CCDC85C: variants seen among roughly 807,000 people sequenced by gnomAD.
CCDC85C encodes coiled-coil domain containing 85C.
CCDC85C carries 18 observed loss-of-function variants against 38.3 expected under a neutral mutation model. The ratio of observed to expected loss-of-function variants is 0.47; its 90% CI spans 0.33 to 0.70. The LOEUF is 0.70. Among genes scored for constraint, CCDC85C ranks in the 30% least tolerant of loss-of-function variants. The pLI, the probability that CCDC85C is intolerant of heterozygous loss-of-function variation, is 0.03. For missense variants in CCDC85C, 566 were observed against 621.2 expected (o/e 0.91, Z 0.94); for synonymous variants, 264 against 293.8 (o/e 0.90, Z 1.04).
chr14:99,570,636 A>G (rs1222549515), intron 1 of CCDC85C, among the ~76,000 whole-genome samples: 1 of 152,176 alleles, frequency 6.6e-6, no homozygotes, highest in Non-Finnish European at 1.5e-5. Flanking sequence ...CATAAAATGC[A>G]TTCCAGGACC....
At chr14:99,541,951 C>T (rs1566767449) in intron 1 of CCDC85C, among the ~76,000 whole-genome samples, 1 of 152,224 alleles carries the variant, frequency 6.6e-6, no homozygotes, top group Non-Finnish European at 1.5e-5. Context: ...GCCCCTCCCC[C>T]TGAGCAAGGC....
rs1031572980 is a variant in CCDC85C, at chr14:99,588,716, A to C, written c.793+14451T>G. ...GCACTTGGAAGGTGGTCCTGAAGTA[A>C]GAAACCAGGCCACTGCAGGTCTTCA... On this transcript the variant is annotated intron_variant, in intron 1 of 5. Coordinates refer to ENST00000380243, the MANE Select transcript of CCDC85C (RefSeq NM_001144995.2). The surrounding 1 kb of genome is among the most constrained non-coding windows in gnomAD (Gnocchi z 5.0). Among the ~76,000 whole-genome samples the C allele has an allele frequency of 6.6e-6, 1 of 151,916 alleles. No homozygotes were observed. The highest frequency in any genetic ancestry group is 6.6e-5 in the Admixed American group (1 of 15,252).
At position 99,502,953 on chromosome 14, in the gene CCDC85C, C is replaced by T; in HGVS notation, c.*12293G>A. The T allele has an allele frequency of 6.2e-7, 1 of 1,613,942 alleles. No individual in the cohort carries two copies. ...CAGCCCAAGAAACCCTCTCCGCAGC[C>T]CAGTTCTCCCCGACAGGTTAAGCGA... On this transcript the variant is annotated 3_prime_UTR_variant, in exon 6 of 6. Transcript: ENST00000380243.
At chr14:99,547,885 TACAC>T (rs746584304) in intron 1 of CCDC85C, among the ~76,000 whole-genome samples, 1 of 151,526 alleles carries the variant, frequency 6.6e-6, no homozygotes, top group African/African-American at 2.4e-5. Context: ...TATACATATA[TACAC>T]ACACACACAC....
intron 1 of CCDC85C, among the ~76,000 whole-genome samples, chr14:99,602,833 ATT>A (rs2055216410): frequency 6.6e-6 from 1 of 152,192 alleles, no homozygotes; most frequent in Admixed American, 6.5e-5. Flanking sequence ...CTAGGCAAGG[ATT>A]TCCAAGGCTG....
Position 99,503,663 on chromosome 14 carries a change from G to GT in CCDC85C, c.*11582dup. The GT allele has an allele frequency of 2.6e-6, 4 of 1,547,732 alleles. No homozygotes were observed. Among genetic ancestry groups the GT allele is most frequent in the Non-Finnish European group, 3.5e-6 (4 of 1,143,830 alleles). ...GCAGCAGGTAATTTCCTGTTCTGAT[G>GT]TTTTTTTAGTTTTATGTGTTTATAT... On this transcript the variant is annotated 3_prime_UTR_variant, in exon 6 of 6. Coordinates refer to ENST00000380243, the MANE Select transcript of CCDC85C (RefSeq NM_001144995.2).
intron 1 of CCDC85C, among the ~76,000 whole-genome samples, chr14:99,543,133 G>A (rs1897745122): frequency 6.6e-6 from 1 of 152,208 alleles, no homozygotes; most frequent in African/African-American, 2.4e-5. Context: ...TAGGGGGAGA[G>A]AAAGCAGCGG....
chr14:99,512,589 G>C lies in CCDC85C; in HGVS notation c.*2657C>G, dbSNP rs1371104142. On this transcript the variant is annotated 3_prime_UTR_variant, in exon 6 of 6. Coordinates refer to ENST00000380243, the MANE Select transcript of CCDC85C (RefSeq NM_001144995.2). ...GCTCAGCATGTTCTGAGGCCAGGAT[G>C]GGCTTGGCCACCTGGGCTGGGGCGA... The C allele has an allele frequency of 6.6e-6, 1 of 152,210 alleles. No homozygotes were observed. Among genetic ancestry groups the C allele is most frequent in the South Asian group, 2.1e-4 (1 of 4,828 alleles). 9.4% of individuals were successfully genotyped at this position (152,210 alleles called of 1,614,324 possible).
intron 1 of CCDC85C, among the ~76,000 whole-genome samples, chr14:99,586,683 T>C (rs750403220): frequency 1.3e-5 from 2 of 152,194 alleles, no homozygotes; most frequent in Non-Finnish European, 2.9e-5. Context: ...TATTTCCAGA[T>C]GCCAACTCAT....
Position 99,603,985 on chromosome 14 carries a change from C to A in CCDC85C, c.-26G>T. On this transcript the variant is annotated 5_prime_UTR_variant, in exon 1 of 6. Coordinates refer to ENST00000380243, the MANE Select transcript of CCDC85C (RefSeq NM_001144995.2). This position sits in a 1 kb window ranked among gnomAD's most constrained non-coding sequence, Gnocchi z 7.5. ...GGCGGGGCCGTCACCGCGGCATCGC[C>A]CTCGCCCTCGCCCGGCCGGCGCTTC... 1 of 1,229,446 alleles carries A rather than the reference C, an allele frequency of 8.1e-7. No homozygotes were observed. 76.2% of individuals were successfully genotyped at this position (1,229,446 alleles called of 1,614,324 possible).
chr14:99,541,767 C>T (rs980180360), intron 1 of CCDC85C, among the ~76,000 whole-genome samples: 6 of 152,150 alleles, frequency 3.9e-5, no homozygotes, highest in African/African-American at 9.7e-5. Flanking sequence ...CAGGGCTGGG[C>T]ATCAACAGTG....
chr14:99,573,869 C>A (rs991159039), intron 1 of CCDC85C, among the ~76,000 whole-genome samples: 1 of 152,192 alleles, frequency 6.6e-6, no homozygotes, highest in African/African-American at 2.4e-5. Context: ...TCTGGGCCGC[C>A]GAGCACTCCA....
In CCDC85C at chr14:99,535,210, C is replaced by T. The variant is rs146648913; in HGVS notation, c.867+805G>A. ...TCCCTGCGGTTGGTTCCCAGAGAGA[C>T]GCCTTGGGTATCCCAGGCTGACCGC... On this transcript the variant is annotated intron_variant, in intron 2 of 5. Coordinates refer to ENST00000380243, the MANE Select transcript of CCDC85C (RefSeq NM_001144995.2). The surrounding 1 kb of genome is among the most constrained non-coding windows in gnomAD (Gnocchi z 5.5). Among the ~76,000 whole-genome samples the T allele has an allele frequency of 4.6e-5, 7 of 152,312 alleles. No homozygotes were observed. The East Asian group carries it at 7.7e-4, about 17-fold the overall frequency.
intron 1 of CCDC85C, among the ~76,000 whole-genome samples, chr14:99,582,241 T>C (rs1186279505): frequency 6.6e-6 from 1 of 152,084 alleles, no homozygotes; most frequent in Non-Finnish European, 1.5e-5. Flanking sequence ...CAGACACAGC[T>C]GCACTTCTGA....
At position 99,569,731 on chromosome 14, in the gene CCDC85C, C is replaced by T. The variant is rs965562886; in HGVS notation, c.793+33436G>A. 1.3e-5 allele frequency among the ~76,000 whole-genome samples: 2 copies of T among 152,196 alleles called. No individual in the cohort carries two copies. Among genetic ancestry groups the T allele is most frequent in the African/African-American group, 4.8e-5 (2 of 41,458 alleles). On this transcript the variant is annotated intron_variant, in intron 1 of 5. Coordinates refer to ENST00000380243, the MANE Select transcript of CCDC85C (RefSeq NM_001144995.2). This position sits in a 1 kb window ranked among gnomAD's most constrained non-coding sequence, Gnocchi z 4.3. Reference sequence around the variant, plus strand: ...CTCTGCTTCCCCCCAACATGTCACACACCCCACATTTCAGGTGCAATGCTC... The same window carrying T: ...CTCTGCTTCCCCCCAACATGTCACATACCCCACATTTCAGGTGCAATGCTC...
rs531790127 is a variant in CCDC85C, at chr14:99,558,626, A to T, written c.794-22538T>A. On this transcript the variant is annotated intron_variant, in intron 1 of 5. Coordinates refer to ENST00000380243, the MANE Select transcript of CCDC85C (RefSeq NM_001144995.2). The surrounding 1 kb of genome is among the most constrained non-coding windows in gnomAD (Gnocchi z 4.2). ...TAGAGCGAGACTCTGTCTCAAAAAA[A>T]TTAAATAAAAATAAAAACAATTAAT... Among the ~76,000 whole-genome samples, 5 of 152,366 alleles carry T rather than the reference A, an allele frequency of 3.3e-5. No individual in the cohort carries two copies. The highest frequency in any genetic ancestry group is 3.3e-4 in the Admixed American group (5 of 15,308).
intron 1 of CCDC85C, among the ~76,000 whole-genome samples, chr14:99,564,805 G>A (rs7159751): frequency 0.15 from 22,117 of 152,290 alleles, 1,991 homozygotes; most frequent in Non-Finnish European, 0.21. Context: ...CCTTACAGAA[G>A]GCTAGGAACC....
rs1321725095 is a variant in CCDC85C, at chr14:99,558,076, A to T, written c.794-21988T>A. On this transcript the variant is annotated intron_variant, in intron 1 of 5. Coordinates refer to ENST00000380243, the MANE Select transcript of CCDC85C (RefSeq NM_001144995.2). This position sits in a 1 kb window ranked among gnomAD's most constrained non-coding sequence, Gnocchi z 4.2. Reference sequence around the variant, plus strand: ...TCAACCAGGTCTACTTCAGTGGTCTATTTAAGTCGATTCTGGAAAAACCTG... The same window carrying T: ...TCAACCAGGTCTACTTCAGTGGTCTTTTTAAGTCGATTCTGGAAAAACCTG... 6.6e-6 allele frequency among the ~76,000 whole-genome samples: 1 copy of T among 152,210 alleles called. No homozygotes were observed. Among genetic ancestry groups the T allele is most frequent in the African/African-American group, 2.4e-5 (1 of 41,456 alleles).
At chr14:99,522,367 C>G (rs1897314964) in intron 2 of CCDC85C, 127 bp from the exon 3 acceptor site, 2 of 622,252 alleles carry the variant, frequency 3.2e-6, no homozygotes, top group South Asian at 2.0e-5. Context: ...CCTCCACCCT[C>G]CCCTCCACAC....
Sources: gnomAD v4.1 joint callset for allele counts (sites outside exome capture counted in the v4.1 genomes callset) on GRCh38, gnomAD v4.1.1 for gene constraint, Gnocchi (gnomAD v3.1) non-coding constraint, MANE v1.5 for transcripts, NCBI Gene and HGNC (gene_info 2026-07-23, HGNC 2026-07-21) for gene names.